REDIC1: variants seen among roughly 807,000 people sequenced by gnomAD.
REDIC1 encodes HEI10 Interacting Protein 1.
At chr12:39,741,094 G>A in the REDIC1 span, among the ~76,000 whole-genome samples, 1 of 152,128 alleles carries the variant, frequency 6.6e-6, no homozygotes, top group Non-Finnish European at 1.5e-5. Flanking sequence ...AGCCTCCCCA[G>A]TAGCTGGGAT....
chr12:39,678,467 A>G, the REDIC1 span, among the ~76,000 whole-genome samples: 1 of 152,150 alleles, frequency 6.6e-6, no homozygotes, highest in East Asian at 1.9e-4. Flanking sequence ...ACAAAAAAAA[A>G]GTCCGGGACC....
chr12:39,823,134 A>G, the REDIC1 span, among the ~76,000 whole-genome samples: 2 of 152,242 alleles, frequency 1.3e-5, no homozygotes, highest in East Asian at 3.8e-4. Flanking sequence ...ACTAAAGAGA[A>G]TAATCTACCA....
chr12:39,714,438 G>A, the REDIC1 span, among the ~76,000 whole-genome samples: 24 of 150,794 alleles, frequency 1.6e-4, no homozygotes, highest in Non-Finnish European at 3.0e-5. Flanking sequence ...CACATATTGT[G>A]TCTTCATCCA....
chr12:39,700,412 G>A, the REDIC1 span, among the ~76,000 whole-genome samples: 2 of 152,206 alleles, frequency 1.3e-5, no homozygotes, highest in African/African-American at 4.8e-5. Context: ...AACGAGCAAA[G>A]CCTCCAAGAA....
At chr12:39,896,682 C>A in the REDIC1 span, among the ~76,000 whole-genome samples, 1 of 151,562 alleles carries the variant, frequency 6.6e-6, no homozygotes, top group African/African-American at 2.4e-5. Context: ...ATATTAATAT[C>A]CCTCGTTATC....
the REDIC1 span, among the ~76,000 whole-genome samples, chr12:39,697,818 A>G: frequency 6.8e-6 from 1 of 146,134 alleles, no homozygotes; most frequent in Non-Finnish European, 1.6e-5. Flanking sequence ...CAGCTTTACT[A>G]AAAGGAAGAC....
the REDIC1 span, among the ~76,000 whole-genome samples, chr12:39,892,031 A>G: frequency 6.6e-6 from 1 of 152,204 alleles, no homozygotes; most frequent in Non-Finnish European, 1.5e-5. Flanking sequence ...CTACTCTCCT[A>G]TAAAGAAGAG....
the REDIC1 span, among the ~76,000 whole-genome samples, chr12:39,811,073 A>T: frequency 6.6e-6 from 1 of 152,012 alleles, no homozygotes; most frequent in Non-Finnish European, 1.5e-5. Flanking sequence ...TTTTAATACA[A>T]ATTTGATTTT....
At chr12:39,906,689 A>G in the REDIC1 span, among the ~76,000 whole-genome samples, 5 of 152,256 alleles carry the variant, frequency 3.3e-5, no homozygotes, top group East Asian at 9.6e-4. Flanking sequence ...CAGTTGCATT[A>G]TTCAGGCCAT....
the REDIC1 span, among the ~76,000 whole-genome samples, chr12:39,745,336 A>G: frequency 2.3e-3 from 348 of 152,314 alleles, 19 homozygotes; most frequent in South Asian, 0.068. Context: ...AGCACATTGT[A>G]AAAAATAAAC....
the REDIC1 span, among the ~76,000 whole-genome samples, chr12:39,697,192 G>T: frequency 1.3e-5 from 2 of 152,194 alleles, no homozygotes; most frequent in Admixed American, 1.3e-4. Flanking sequence ...AGCCTTACAA[G>T]CCGAGAGAGT....
the REDIC1 span, among the ~76,000 whole-genome samples, chr12:39,713,000 TATGTATATATAC>T: frequency 6.3e-5 from 9 of 142,022 alleles, no homozygotes; most frequent in African/African-American, 1.9e-4. Flanking sequence ...TATACGTGTA[TATGTATATATAC>T]ATGTGTATAT....
chr12:39,751,359 C>T, the REDIC1 span, among the ~76,000 whole-genome samples: 1 of 152,204 alleles, frequency 6.6e-6, no homozygotes, highest in Non-Finnish European at 1.5e-5. Context: ...GATACCATCT[C>T]ACACACCAGT....
the REDIC1 span, among the ~76,000 whole-genome samples, chr12:39,633,096 T>C: frequency 6.6e-6 from 1 of 151,874 alleles, no homozygotes; most frequent in East Asian, 1.9e-4. Flanking sequence ...ATTATTATTA[T>C]ATTTTAAATT....
the REDIC1 span, among the ~76,000 whole-genome samples, chr12:39,852,130 C>T: frequency 6.6e-6 from 1 of 152,120 alleles, no homozygotes; most frequent in Non-Finnish European, 1.5e-5. Flanking sequence ...TCTAATACTG[C>T]TTGTTATGAG....
chr12:39,652,237 T>C, the REDIC1 span, among the ~76,000 whole-genome samples: 6 of 152,290 alleles, frequency 3.9e-5, no homozygotes, highest in East Asian at 1.2e-3. Flanking sequence ...TTTTGACATA[T>C]ACTTCATTTC....
At chr12:39,671,339 G>A in the REDIC1 span, among the ~76,000 whole-genome samples, 1 of 152,138 alleles carries the variant, frequency 6.6e-6, no homozygotes, top group African/African-American at 2.4e-5. Context: ...ATTGACTTAG[G>A]CCACAAAATT....
At chr12:39,696,334 G>A in the REDIC1 span, among the ~76,000 whole-genome samples, 3 of 151,380 alleles carry the variant, frequency 2.0e-5, no homozygotes, top group East Asian at 3.9e-4. Flanking sequence ...ACGAGGTCAG[G>A]AGATCGAGAC....
the REDIC1 span, among the ~76,000 whole-genome samples, chr12:39,680,922 T>A: frequency 3.3e-5 from 5 of 152,244 alleles, no homozygotes; most frequent in East Asian, 9.6e-4. Context: ...AAACCAAACA[T>A]TGTTACGTTC....
Sources: gnomAD v4.1 joint callset for allele counts (sites outside exome capture counted in the v4.1 genomes callset) on GRCh38, gnomAD v4.1.1 for gene constraint, MANE v1.5 for transcripts, NCBI Gene and HGNC (gene_info 2026-07-23, HGNC 2026-07-21) for gene names.